The following DOCK7 variants were observed in gnomAD, a reference collection of about 807,000 sequenced individuals.
The protein encoded by DOCK7 is dedicator of cytokinesis 7, also known as dedicator of cytokinesis protein 7.
Under a neutral mutation model 271.0 loss-of-function variants are expected in DOCK7, and 138 were observed. The ratio of observed to expected loss-of-function variants is 0.51; its 90% CI spans 0.44 to 0.59. DOCK7 has a LOEUF of 0.59. Among genes scored for constraint, DOCK7 ranks in the 20% least tolerant of loss-of-function variants. The pLI is 0.00. For synonymous variants in DOCK7, 823 were observed against 876.1 expected, an observed-to-expected ratio of 0.94 and a Z score of 1.07; for missense variants, 2,066 against 2,592.4, an observed-to-expected ratio of 0.80 and a Z score of 4.41.
intron 48 of DOCK7, among the ~76,000 whole-genome samples, chr1:62,461,793 C>T (rs1030852317): frequency 7.3e-5 from 11 of 151,564 alleles, no homozygotes; most frequent in African/African-American, 1.7e-4. Flanking sequence ...ACATTAAGGC[C>T]GAGCACAGTG....
At chr1:62,579,847 AGG>A (rs920857683) in intron 16 of DOCK7, among the ~76,000 whole-genome samples, 2 of 152,174 alleles carry the variant, frequency 1.3e-5, no homozygotes, top group Non-Finnish European at 2.9e-5. Context: ...CAGTAAAATC[AGG>A]AAACGCCCAC....
intron 25 of DOCK7, among the ~76,000 whole-genome samples, chr1:62,540,861 T>C (rs1482882096): frequency 2.7e-5 from 1 of 37,358 alleles, no homozygotes; most frequent in Non-Finnish European, 5.7e-5. Context: ...AAAATTACAA[T>C]TTTTACCTTA....
At chr1:62,675,286 C>T (rs1660423904) in intron 1 of DOCK7, among the ~76,000 whole-genome samples, 2 of 152,166 alleles carry the variant, frequency 1.3e-5, no homozygotes, top group South Asian at 4.1e-4. Flanking sequence ...GCCTATAGTC[C>T]CAGCTACTCA....
chr1:62,583,096 G>T, intron 16 of DOCK7, 88 bp downstream of exon 16: 1 of 1,113,194 alleles, frequency 9.0e-7, no homozygotes, highest in Non-Finnish European at 1.3e-6. Flanking sequence ...ATTTAGTGCA[G>T]CAAAGCATTT....
In DOCK7 at chr1:62,552,590, C is replaced by A. The variant is rs1004712538; in HGVS notation, c.2766+142G>T. The A allele has an allele frequency of 3.8e-6, 3 of 779,626 alleles. No individual in the cohort carries two copies. The African/African-American group carries it at 5.4e-5, about 14-fold the overall frequency. 48.3% of individuals were successfully genotyped at this position (779,626 alleles called of 1,614,324 possible). A position where few individuals can be genotyped will look rare whatever the true frequency, so the allele number is the denominator to read the frequency against. On this transcript the variant is annotated intron_variant, in intron 22 of 49. Transcript: ENST00000635253. ...TAACAGAAAAATAAAACAGTGTTTA[C>A]TGATAGAACAGAAATGTACAATTCC...
chr1:62,673,716 G>A (rs1571980246), intron 1 of DOCK7, among the ~76,000 whole-genome samples: 4 of 151,984 alleles, frequency 2.6e-5, no homozygotes, highest in Admixed American at 6.6e-5. Flanking sequence ...TTGCTAAATC[G>A]TGTTTATTCT....
intron 16 of DOCK7, among the ~76,000 whole-genome samples, chr1:62,580,550 C>A (rs1452958191): frequency 6.6e-6 from 1 of 152,106 alleles, no homozygotes. Context: ...TCCTAAAAAT[C>A]ATGTAATGTG....
intron 1 of DOCK7, among the ~76,000 whole-genome samples, chr1:62,667,231 A>G (rs1659422411): frequency 1.3e-5 from 2 of 152,228 alleles, no homozygotes; most frequent in South Asian, 2.1e-4. Context: ...TACTAAAGTC[A>G]TAAGAAAGTT....
Position 62,604,346 on chromosome 1 carries a change from G to C in DOCK7, c.1682+14360C>G, listed in dbSNP as rs72651034. On this transcript the variant is annotated intron_variant, in intron 14 of 49. Transcript: ENST00000635253. ...TTAAAAATCCGAATCCCAAATAAGC[G>C]TTTTCTCTCTAGACGAAAACCTCTT... 2.0e-5 allele frequency: 27 copies of C among 1,358,064 alleles called. No individual in the cohort carries two copies. The African/African-American group carries it at 2.6e-4, about 13-fold the overall frequency. The allele number at this position is 1,358,064 out of a possible 1,614,324, so 84.1% of individuals were successfully genotyped here.
chr1:62,455,181 C>T lies in DOCK7; in HGVS notation c.*233G>A. The T allele has an allele frequency of 3.1e-6, 2 of 637,848 alleles. No individual in the cohort carries two copies. Among genetic ancestry groups the T allele is most frequent in the Non-Finnish European group, 2.8e-6 (1 of 359,324 alleles). The allele number at this position is 637,848 out of a possible 1,614,324, so 39.5% of individuals were successfully genotyped here. A position where few individuals can be genotyped will look rare whatever the true frequency, so the allele number is the denominator to read the frequency against. ...TAAATAATGGTAAATGTATAGTGTACCTTTGAGTCATTAAAATGTCTTAAA... is the reference window on the plus strand; with the variant it reads ...TAAATAATGGTAAATGTATAGTGTATCTTTGAGTCATTAAAATGTCTTAAA... On this transcript the variant is annotated 3_prime_UTR_variant, in exon 50 of 50. Coordinates refer to ENST00000635253, the MANE Select transcript of DOCK7 (RefSeq NM_001367561.1).
intron 12 of DOCK7, among the ~76,000 whole-genome samples, chr1:62,623,055 T>A (rs1174803918): frequency 1.3e-5 from 2 of 152,208 alleles, no homozygotes; most frequent in Non-Finnish European, 2.9e-5. Flanking sequence ...ATTACAGGCA[T>A]GAGCCGACAT....
chr1:62,679,608 T>A (rs989679853), intron 1 of DOCK7, among the ~76,000 whole-genome samples: 3 of 152,208 alleles, frequency 2.0e-5, no homozygotes, highest in African/African-American at 7.2e-5. Context: ...GCATTGTGCA[T>A]CCACCAGATT....
chr1:62,483,980 C>T (rs1168024), intron 43 of DOCK7: 146,892 of 152,288 alleles, frequency 0.96, 71,091 homozygotes, highest in Middle Eastern at 1. Flanking sequence ...TTTCATTTCC[C>T]TCTTTCAGAG....
intron 15 of DOCK7, among the ~76,000 whole-genome samples, chr1:62,583,710 G>A (rs1449921649): frequency 6.6e-6 from 1 of 151,998 alleles, no homozygotes; most frequent in Non-Finnish European, 1.5e-5. Context: ...TCCTATTTTA[G>A]GTCAAGCTAT....
intron 48 of DOCK7, among the ~76,000 whole-genome samples, chr1:62,471,339 GA>G (rs1645824913): frequency 6.6e-6 from 1 of 152,136 alleles, no homozygotes; most frequent in Non-Finnish European, 1.5e-5. Context: ...AAACTTTTTA[GA>G]ATGTACTACA....
rs112931571 is a variant in DOCK7, at chr1:62,616,167, A to G, written c.1682+2539T>C. Among the ~76,000 whole-genome samples, 1,457 of 151,962 alleles carry G rather than the reference A, an allele frequency of 9.6e-3. 10 individuals are homozygous for G. Among genetic ancestry groups the G allele is most frequent in the Non-Finnish European group, 0.016 (1,056 of 67,724 alleles). On this transcript the variant is annotated intron_variant, in intron 14 of 49. Transcript: ENST00000635253. ...TTTATCTCCTCCAGAAGAGGATGTT[A>G]CATTAAAACTGGATACATCCTTAAG...
chr1:62,494,380 A>T lies in DOCK7; in HGVS notation c.5112T>A (p.His1704Gln). ...GGACTAGACACTGTGCAGCTTCAGC[A>T]TGATTGCTTCGTTCTGAGTGCTTGC... ...MAGKHSERSN[H>Q]AEAAQCLVHS... Residue 1704 changes from histidine to glutamine, a missense_variant, in exon 40 of 50, where the codon CAT (histidine) becomes CAA (glutamine). Physicochemically the swap from His to Gln is conservative, Grantham distance 24 (BLOSUM62 0). Transcript: ENST00000635253. 6.2e-7 allele frequency: 1 copy of T among 1,613,732 alleles called. No individual in the cohort carries two copies. The highest frequency in any genetic ancestry group is 8.5e-7 in the Non-Finnish European group (1 of 1,179,678).
intron 22 of DOCK7, among the ~76,000 whole-genome samples, chr1:62,551,102 G>A (rs1315157401): frequency 1.3e-5 from 2 of 152,134 alleles, no homozygotes; most frequent in African/African-American, 4.8e-5. Context: ...GTGAGACACA[G>A]TAAAAAGGTT....
intron 1 of DOCK7, among the ~76,000 whole-genome samples, chr1:62,665,395 T>C (rs571801023): frequency 2.0e-5 from 3 of 152,162 alleles, no homozygotes; most frequent in East Asian, 1.9e-4. Flanking sequence ...GATGAGACTA[T>C]GTAAAAGCCT....
Sources: gnomAD v4.1 joint callset for allele counts (sites outside exome capture counted in the v4.1 genomes callset) on GRCh38, gnomAD v4.1.1 for gene constraint, MANE v1.5 for transcripts, NCBI Gene and HGNC (gene_info 2026-07-23, HGNC 2026-07-21) for gene names.